Variants in RBFOX1 observed in about 807,000 individuals in gnomAD.
The protein encoded by RBFOX1 is RNA binding protein fox-1 homolog 1.
Under a neutral mutation model 57.7 loss-of-function variants are expected in RBFOX1, and 8 were observed. That is an observed-to-expected ratio of 0.14 (90% confidence interval 0.08 to 0.25). The LOEUF (loss-of-function observed/expected upper bound fraction) is 0.25, where lower values mean the gene tolerates loss of function less well. Among genes scored for constraint, RBFOX1 ranks in the 10% least tolerant of loss-of-function variants. RBFOX1 has a pLI of 1.00. For synonymous variants in RBFOX1, 326 were observed against 222.4 expected (o/e 1.47, Z -4.15); for missense variants, 611 against 548.5 (o/e 1.11, Z -1.14).
intron 4 of RBFOX1, among the ~76,000 whole-genome samples, chr16:7,243,174 A>C (rs938835937): frequency 1.3e-5 from 2 of 152,206 alleles, no homozygotes; most frequent in Non-Finnish European, 2.9e-5. Context: ...TCAGAAAGTG[A>C]ATGTTCAGCA....
At chr16:7,361,573 A>G (rs951001686) in intron 4 of RBFOX1, among the ~76,000 whole-genome samples, 4 of 152,170 alleles carry the variant, frequency 2.6e-5, no homozygotes, top group African/African-American at 4.8e-5. Context: ...TTTCCTTTGT[A>G]GCTGTTCCCG....
intron 11 of RBFOX1, among the ~76,000 whole-genome samples, chr16:7,633,255 A>G (rs2061266633): frequency 6.6e-6 from 1 of 152,040 alleles, no homozygotes; most frequent in South Asian, 2.1e-4. Flanking sequence ...TTTTAGTATT[A>G]AAAATACAAA....
intron 4 of RBFOX1, among the ~76,000 whole-genome samples, chr16:7,392,292 C>T (rs4786150): frequency 0.47 from 70,728 of 151,986 alleles, 16,852 homozygotes; most frequent in East Asian, 0.67. Context: ...TTGTATAGCA[C>T]CTTGCATTTC....
chr16:5,638,537 A>T (rs1257796568), intron 3 of RBFOX1, among the ~76,000 whole-genome samples: 1 of 152,184 alleles, frequency 6.6e-6, no homozygotes, highest in Non-Finnish European at 1.5e-5. Context: ...CAACAAACAC[A>T]GTGGCATCTT....
intron 4 of RBFOX1, among the ~76,000 whole-genome samples, chr16:5,897,193 G>A (rs968246308): frequency 1.1e-4 from 17 of 151,662 alleles, no homozygotes; most frequent in Admixed American, 9.8e-4. Context: ...CCGCCACCGC[G>A]CCCGGCTAAT....
Position 6,162,298 on chromosome 16 carries a change from T to A in RBFOX1, c.-127+142306T>A, listed in dbSNP as rs114038425. On this transcript the variant is annotated intron_variant, in intron 1 of 15. Coordinates refer to ENST00000550418, the MANE Select transcript of RBFOX1 (RefSeq NM_018723.4). ...ATCCATGTAATTCTTGTATTTTTAGTAGAGACGGGGTTTCACCATGTTGGC... is the reference window on the plus strand; with the variant it reads ...ATCCATGTAATTCTTGTATTTTTAGAAGAGACGGGGTTTCACCATGTTGGC... Among the ~76,000 whole-genome samples, 533 of 152,250 alleles carry A rather than the reference T, an allele frequency of 3.5e-3. 6 individuals carry two copies. Among genetic ancestry groups the A allele is most frequent in the African/African-American group, 0.012 (506 of 41,540 alleles).
intron 3 of RBFOX1, among the ~76,000 whole-genome samples, chr16:6,761,244 T>C (rs2076554463): frequency 6.6e-6 from 1 of 152,128 alleles, no homozygotes; most frequent in Non-Finnish European, 1.5e-5. Flanking sequence ...GGGGAAAAAG[T>C]AATCAATTTA....
At chr16:6,415,776 C>T (rs958117657) in intron 2 of RBFOX1, among the ~76,000 whole-genome samples, 3 of 152,150 alleles carry the variant, frequency 2.0e-5, no homozygotes, top group Non-Finnish European at 2.9e-5. Context: ...CCCACAACCT[C>T]AGGATATCTG....
intron 3 of RBFOX1, among the ~76,000 whole-genome samples, chr16:6,947,273 C>T (rs28680292): frequency 0.15 from 23,519 of 152,044 alleles, 2,172 homozygotes; most frequent in Non-Finnish European, 0.2. Context: ...TGTTTTTCAC[C>T]TTGATTTTGG....
At chr16:6,812,074 G>A (rs1022534311) in intron 3 of RBFOX1, among the ~76,000 whole-genome samples, 4 of 152,002 alleles carry the variant, frequency 2.6e-5, no homozygotes, top group Non-Finnish European at 4.4e-5. Flanking sequence ...ATATAAAGTT[G>A]TATTATCAGA....
At chr16:5,721,809 A>G (rs1567447471) in intron 3 of RBFOX1, among the ~76,000 whole-genome samples, 1 of 152,180 alleles carries the variant, frequency 6.6e-6, no homozygotes. Context: ...GCCTGTGGAA[A>G]CCTTCGCAAA....
chr16:7,075,943 G>T (rs536731334), intron 4 of RBFOX1, among the ~76,000 whole-genome samples: 204 of 151,964 alleles, frequency 1.3e-3, no homozygotes, highest in Non-Finnish European at 2.4e-3. Context: ...TTATTTGAAT[G>T]AGGCATACTA....
chr16:7,299,426 C>G (rs574988403), intron 4 of RBFOX1, among the ~76,000 whole-genome samples: 1 of 152,130 alleles, frequency 6.6e-6, no homozygotes, highest in Admixed American at 6.5e-5. Flanking sequence ...ACAACCCACA[C>G]CCAAACTAGA....
At chr16:6,782,108 G>A (rs755321242) in intron 3 of RBFOX1, among the ~76,000 whole-genome samples, 3 of 152,180 alleles carry the variant, frequency 2.0e-5, no homozygotes, top group East Asian at 1.9e-4. Context: ...CTGGGTTCAC[G>A]TGATTCTCCT....
chr16:5,856,140 A>T (rs1597505352), intron 3 of RBFOX1, among the ~76,000 whole-genome samples: 1 of 95,376 alleles, frequency 1.0e-5, no homozygotes, highest in Non-Finnish European at 2.2e-5. Context: ...TTTTTCCAGG[A>T]GTCTTTATGG....
At chr16:6,273,738 C>A (rs371992347) in intron 1 of RBFOX1, among the ~76,000 whole-genome samples, 1 of 151,990 alleles carries the variant, frequency 6.6e-6, no homozygotes, top group African/African-American at 2.4e-5. Context: ...AAATCTTGCT[C>A]GGCAAAACAC....
chr16:5,450,555 T>A (rs1369626139), intron 1 of RBFOX1, among the ~76,000 whole-genome samples: 1 of 152,182 alleles, frequency 6.6e-6, no homozygotes, highest in East Asian at 1.9e-4. Flanking sequence ...GTTGAGCACA[T>A]CCCTTTCTTT....
intron 1 of RBFOX1, among the ~76,000 whole-genome samples, chr16:6,190,739 A>G (rs761080435): frequency 1.3e-5 from 2 of 152,178 alleles, no homozygotes; most frequent in Non-Finnish European, 2.9e-5. Context: ...ACCACGTGCT[A>G]TCAGGCATAT....
intron 10 of RBFOX1, among the ~76,000 whole-genome samples, chr16:7,607,574 T>C (rs2056584347): frequency 6.6e-6 from 1 of 152,174 alleles, no homozygotes; most frequent in African/African-American, 2.4e-5. Flanking sequence ...CTTAGGACAA[T>C]TCACATTGAT....
Sources: gnomAD v4.1 joint callset for allele counts (sites outside exome capture counted in the v4.1 genomes callset) on GRCh38, gnomAD v4.1.1 for gene constraint, MANE v1.5 for transcripts, NCBI Gene and HGNC (gene_info 2026-07-23, HGNC 2026-07-21) for gene names.